Variants in TCERG1L observed in about 807,000 individuals in gnomAD.
TCERG1L encodes transcription elongation regulator 1-like protein.
A neutral mutation model predicts 56.3 loss-of-function variants in TCERG1L; 37 were observed. That is an observed-to-expected ratio of 0.66 (90% confidence interval 0.51 to 0.87). The LOEUF (loss-of-function observed/expected upper bound fraction) is 0.87. Ranked by LOEUF, TCERG1L falls within the 40% of genes least tolerant of loss-of-function variation. The pLI is 0.00. For missense variants in TCERG1L, 799 were observed against 774.2 expected (o/e 1.03, Z -0.38); for synonymous variants, 324 against 326.3 (o/e 0.99, Z 0.08).
intron 4 of TCERG1L, among the ~76,000 whole-genome samples, chr10:131,198,416 C>T (rs1444963609): frequency 2.6e-5 from 4 of 152,382 alleles, no homozygotes; most frequent in Middle Eastern, 3.4e-3. Context: ...CAAGACAGAG[C>T]GTCTGGCCCA....
intron 4 of TCERG1L, among the ~76,000 whole-genome samples, chr10:131,218,489 C>G (rs1003947566): frequency 6.6e-6 from 1 of 151,144 alleles, no homozygotes; most frequent in Non-Finnish European, 1.5e-5. Flanking sequence ...TCCTTTTTTT[C>G]TATTTATTTA....
intron 3 of TCERG1L, among the ~76,000 whole-genome samples, chr10:131,285,232 G>T (rs67738757): frequency 0.19 from 29,169 of 151,752 alleles, 3,729 homozygotes; most frequent in Non-Finnish European, 0.28. Flanking sequence ...ACAAAAATTA[G>T]CCAGGTGTGG....
chr10:131,285,714 A>T (rs1363295923), intron 3 of TCERG1L, among the ~76,000 whole-genome samples: 1 of 152,246 alleles, frequency 6.6e-6, no homozygotes, highest in Non-Finnish European at 1.5e-5. Flanking sequence ...TTGATTCAAG[A>T]AATGTAAGTG....
At chr10:131,180,028 A>C (rs1463402090) in intron 4 of TCERG1L, among the ~76,000 whole-genome samples, 1 of 152,160 alleles carries the variant, frequency 6.6e-6, no homozygotes, top group South Asian at 2.1e-4. Context: ...CTGAGACCTG[A>C]GGGAGGTCGG....
intron 3 of TCERG1L, among the ~76,000 whole-genome samples, chr10:131,273,568 G>T (rs1379106467): frequency 2.2e-4 from 34 of 152,226 alleles, no homozygotes; most frequent in Admixed American, 2.2e-3. Flanking sequence ...GACCCCAATG[G>T]TGGGCCTCAG....
In TCERG1L at chr10:131,289,593, A is replaced by AGGTG. The variant is rs1564834801; in HGVS notation, c.670+18617_670+18618insCACC. On this transcript the variant is annotated intron_variant, in intron 3 of 11. Coordinates refer to ENST00000368642, the MANE Select transcript of TCERG1L (RefSeq NM_174937.4). ...TGTGCACTGCCTCCATCTCCTATCA[A>AGGTG]TGTGAGTGTATGTGTGCACCGCTGT... Among the ~76,000 whole-genome samples the AGGTG allele has an allele frequency of 3.7e-4, 14 of 38,094 alleles. 1 individual carries two copies. Among genetic ancestry groups the AGGTG allele is most frequent in the African/African-American group, 1.0e-3 (14 of 13,968 alleles). The allele number at this position is 38,094 out of a possible 152,430, so 25.0% of individuals were successfully genotyped here.
chr10:131,092,939 C>G lies in TCERG1L; in HGVS notation c.*223G>C. ...TGCATAATTAAAACAATTAAGGGAT[C>G]GACGTATCACGGTGATTAGAAATGC... On this transcript the variant is annotated 3_prime_UTR_variant, in exon 12 of 12. Transcript: ENST00000368642. 2 of 477,748 alleles carry G rather than the reference C, an allele frequency of 4.2e-6. No individual in the cohort carries two copies. Among genetic ancestry groups the G allele is most frequent in the Non-Finnish European group, 7.4e-6 (2 of 271,570 alleles). 29.6% of individuals were successfully genotyped at this position (477,748 alleles called of 1,614,324 possible). A position where few individuals can be genotyped will look rare whatever the true frequency, so the allele number is the denominator to read the frequency against.
rs1453447712 is a variant in TCERG1L, at chr10:131,267,771, C to T, written c.671-7327G>A. The stretch of plus-strand genomic sequence containing the variant: ...CCTTGGGGACATGGGGCACAGGGAA[C>T]CCCACTGCTGCTCCCACCACCAGTC... On this transcript the variant is annotated intron_variant, in intron 3 of 11. Transcript: ENST00000368642. The surrounding 1 kb of genome is among the most constrained non-coding windows in gnomAD (Gnocchi z 4.9). 6.6e-6 allele frequency among the ~76,000 whole-genome samples: 1 copy of T among 152,214 alleles called. No homozygotes were observed.
intron 6 of TCERG1L, among the ~76,000 whole-genome samples, chr10:131,148,119 G>A (rs962465467): frequency 6.6e-6 from 1 of 152,232 alleles, no homozygotes; most frequent in Non-Finnish European, 1.5e-5. Flanking sequence ...CTGATCCCTA[G>A]AACAGGTGTG....
At chr10:131,177,394 A>G (rs949147906) in intron 4 of TCERG1L, among the ~76,000 whole-genome samples, 2 of 152,256 alleles carry the variant, frequency 1.3e-5, no homozygotes, top group African/African-American at 4.8e-5. Context: ...GTGTGCCAGA[A>G]AAGAATGGAA....
At chr10:131,251,245 A>G (rs1846107348) in intron 4 of TCERG1L, among the ~76,000 whole-genome samples, 1 of 152,062 alleles carries the variant, frequency 6.6e-6, no homozygotes, top group Non-Finnish European at 1.5e-5. Flanking sequence ...CCAGGCCAGC[A>G]ACCCCAGCTC....
In TCERG1L at chr10:131,157,536, A is replaced by G. The variant is rs189770737; in HGVS notation, c.1034+5586T>C. The stretch of plus-strand genomic sequence containing the variant: ...TCCAAAAACATTTTTATTGTGAATA[A>G]GTGGGAGTGGTTTAATTCCCTCAAA... On this transcript the variant is annotated intron_variant, in intron 6 of 11. Transcript: ENST00000368642. 4.0e-4 allele frequency among the ~76,000 whole-genome samples: 61 copies of G among 152,238 alleles called. 1 individual carries two copies. Among genetic ancestry groups the G allele is most frequent in the African/African-American group, 7.7e-4 (32 of 41,554 alleles).
At chr10:131,210,054 A>C (rs537747218) in intron 4 of TCERG1L, among the ~76,000 whole-genome samples, 32 of 152,356 alleles carry the variant, frequency 2.1e-4, no homozygotes, top group Middle Eastern at 3.4e-3. Flanking sequence ...TGTTTTTTGC[A>C]ATACAGAAGG....
In TCERG1L at chr10:131,188,700, CT is replaced by C. The variant is rs569800732; in HGVS notation, c.857-21816del. Among the ~76,000 whole-genome samples the C allele has an allele frequency of 6.6e-5, 10 of 152,280 alleles. No homozygotes were observed. The South Asian group carries it at 2.1e-3, about 32-fold the overall frequency. ...AATTGTATCTACACATGGGCCATGA[CT>C]TTGCACTTTTCTTTTAAAACCAATT... is the stretch of plus-strand genomic sequence containing the variant. On this transcript the variant is annotated intron_variant, in intron 4 of 11. Coordinates refer to ENST00000368642, the MANE Select transcript of TCERG1L (RefSeq NM_174937.4).
At chr10:131,193,879 T>C (rs557673759) in intron 4 of TCERG1L, among the ~76,000 whole-genome samples, 4 of 152,356 alleles carry the variant, frequency 2.6e-5, no homozygotes, top group Non-Finnish European at 4.4e-5. Flanking sequence ...ATTAAAAATG[T>C]GCTTATGAGT....
At chr10:131,238,614 G>A (rs184383006) in intron 4 of TCERG1L, among the ~76,000 whole-genome samples, 4 of 152,306 alleles carry the variant, frequency 2.6e-5, no homozygotes, top group Admixed American at 6.5e-5. Flanking sequence ...CATTATCTCT[G>A]GTGCTTGTTC....
intron 4 of TCERG1L, among the ~76,000 whole-genome samples, chr10:131,181,693 G>C (rs60888168): frequency 5.9e-5 from 9 of 152,186 alleles, no homozygotes; most frequent in African/African-American, 2.2e-4. Flanking sequence ...CAGTGGGCCA[G>C]GTGGGCCAGG....
chr10:131,159,900 T>C (rs1845959169), intron 6 of TCERG1L, among the ~76,000 whole-genome samples: 1 of 152,168 alleles, frequency 6.6e-6, no homozygotes, highest in Non-Finnish European at 1.5e-5. Flanking sequence ...TGCCTCCACC[T>C]TTAAGGGTGA....
intron 3 of TCERG1L, among the ~76,000 whole-genome samples, chr10:131,288,363 A>G (rs1846568963): frequency 6.6e-6 from 1 of 152,122 alleles, no homozygotes; most frequent in South Asian, 2.1e-4. Flanking sequence ...CTTCCTCTTG[A>G]CTAGGAGTAA....
Sources: gnomAD v4.1 joint callset for allele counts (sites outside exome capture counted in the v4.1 genomes callset) on GRCh38, gnomAD v4.1.1 for gene constraint, Gnocchi (gnomAD v3.1) non-coding constraint, MANE v1.5 for transcripts, NCBI Gene and HGNC (gene_info 2026-07-23, HGNC 2026-07-21) for gene names.